The following PTPRD variants were observed in gnomAD, a reference collection of about 807,000 sequenced individuals.
PTPRD encodes receptor-type tyrosine-protein phosphatase delta.
In PTPRD, 34 loss-of-function variants were observed where a neutral mutation model predicts 214.5. That is an observed-to-expected ratio of 0.16 (90% CI 0.12 to 0.21). The LOEUF is 0.21. Among genes scored for constraint, PTPRD ranks in the 10% least tolerant of loss-of-function variants. The pLI is 1.00. For synonymous variants in PTPRD, 1,128 were observed against 845.7 expected (o/e 1.33, Z -5.79); for missense variants, 2,545 against 2,398.7 (o/e 1.06, Z -1.27).
chr9:9,543,581 G>GA, intron 8 of PTPRD, among the ~76,000 whole-genome samples: 1 of 151,364 alleles, frequency 6.6e-6, no homozygotes, highest in East Asian at 2.0e-4. Context: ...AGATTTTTTG[G>GA]TGATGGATAA....
intron 5 of PTPRD, among the ~76,000 whole-genome samples, chr9:9,937,186 TG>T (rs997693584): frequency 6.6e-6 from 1 of 151,566 alleles, no homozygotes; most frequent in Non-Finnish European, 1.5e-5. Flanking sequence ...GTAACTAACC[TG>T]CACAATGTGC....
At chr9:10,327,464 C>T (rs1003890017) in intron 3 of PTPRD, among the ~76,000 whole-genome samples, 11 of 151,400 alleles carry the variant, frequency 7.3e-5, no homozygotes, top group African/African-American at 2.7e-4. Flanking sequence ...TGTAAGGTCT[C>T]ACGTGTGTGT....
At chr9:8,637,841 T>C (rs891363499) in intron 12 of PTPRD, among the ~76,000 whole-genome samples, 1 of 152,088 alleles carries the variant, frequency 6.6e-6, no homozygotes, top group African/African-American at 2.4e-5. Context: ...AAAATCTGTA[T>C]CATACCACAT....
chr9:8,657,007 C>A (rs1022860857), intron 12 of PTPRD, among the ~76,000 whole-genome samples: 2 of 152,028 alleles, frequency 1.3e-5, no homozygotes, highest in African/African-American at 4.8e-5. Flanking sequence ...GAAATATAAA[C>A]TTAATAATTA....
At chr9:9,187,091 C>T (rs1015091940) in intron 9 of PTPRD, among the ~76,000 whole-genome samples, 3 of 151,862 alleles carry the variant, frequency 2.0e-5, no homozygotes, top group Admixed American at 6.6e-5. Flanking sequence ...GATTTTCACT[C>T]TAAATTAGAA....
intron 5 of PTPRD, among the ~76,000 whole-genome samples, chr9:9,927,014 T>G (rs1376178370): frequency 6.6e-6 from 1 of 152,166 alleles, no homozygotes; most frequent in Non-Finnish European, 1.5e-5. Flanking sequence ...CAGGAAAAAG[T>G]GTTCATTGAA....
At chr9:8,654,340 G>A (rs955234968) in intron 12 of PTPRD, among the ~76,000 whole-genome samples, 4 of 151,968 alleles carry the variant, frequency 2.6e-5, no homozygotes, top group African/African-American at 4.8e-5. Context: ...TCTCTCTTCT[G>A]CTAGACTGTG....
chr9:8,939,882 A>C (rs920780971), intron 11 of PTPRD, among the ~76,000 whole-genome samples: 1 of 151,866 alleles, frequency 6.6e-6, no homozygotes, highest in Admixed American at 6.6e-5. Flanking sequence ...TTTATTTTTT[A>C]TTTATTTATT....
rs547037196 is a variant in PTPRD at position 9,588,785 on chromosome 9, T to C, written c.-286-14004A>G. ...ATATGTTTTCTAAATATTTTACTCATCAATGTCATCATTTTAGCTGAGTAT... is the reference window on the plus strand; with the variant it reads ...ATATGTTTTCTAAATATTTTACTCACCAATGTCATCATTTTAGCTGAGTAT... On this transcript the variant is annotated intron_variant, in intron 7 of 45. Coordinates refer to ENST00000381196, the MANE Select transcript of PTPRD (RefSeq NM_002839.4). Among the ~76,000 whole-genome samples, 14 of 152,068 alleles carry C rather than the reference T, an allele frequency of 9.2e-5. No individual in the cohort carries two copies. The South Asian group carries it at 2.7e-3, about 29-fold the overall frequency.
rs144748253 is a variant in PTPRD at position 9,816,700 on chromosome 9, T to G, written c.-367-49849A>C. 1.4e-4 allele frequency among the ~76,000 whole-genome samples: 22 copies of G among 152,222 alleles called. No homozygotes were observed. In the Middle Eastern group the frequency reaches 0.01, roughly 71 times the overall value. The stretch of plus-strand genomic sequence containing the variant: ...TATAAACACGTAGCTTAAACTTTTC[T>G]GGGATGCCTTACCCCAAAATATCAC... On this transcript the variant is annotated intron_variant, in intron 5 of 45. Transcript: ENST00000381196.
intron 4 of PTPRD, among the ~76,000 whole-genome samples, chr9:9,975,903 G>A (rs1026746766): frequency 1.3e-5 from 2 of 152,144 alleles, no homozygotes; most frequent in African/African-American, 4.8e-5. Context: ...GCATTATTTG[G>A]CATACAGTAT....
chr9:10,014,927 T>G (rs1487313011), intron 4 of PTPRD, among the ~76,000 whole-genome samples: 1 of 152,090 alleles, frequency 6.6e-6, no homozygotes, highest in Admixed American at 6.6e-5. Flanking sequence ...GCACTTCCCC[T>G]CATTGAATTG....
intron 12 of PTPRD, among the ~76,000 whole-genome samples, chr9:8,715,017 A>G (rs1250325758): frequency 2.0e-5 from 3 of 152,102 alleles, no homozygotes; most frequent in African/African-American, 7.2e-5. Flanking sequence ...CTCTGAAATG[A>G]ATGAGTTGCT....
chr9:8,569,350 T>C (rs1251313044), intron 14 of PTPRD, among the ~76,000 whole-genome samples: 1 of 152,160 alleles, frequency 6.6e-6, no homozygotes, highest in Admixed American at 6.5e-5. Flanking sequence ...TCCAAACTGC[T>C]TGAAATTATG....
chr9:9,899,877 C>G lies in PTPRD; in HGVS notation c.-368+38630G>C, dbSNP rs184145257. Among the ~76,000 whole-genome samples, 311 of 152,132 alleles carry G rather than the reference C, an allele frequency of 2.0e-3. 3 individuals carry two copies. The highest frequency in any genetic ancestry group is 6.9e-3 in the African/African-American group (286 of 41,538). ...CACTAGTCTTAAGAAAGAAAAAAAT[C>G]CAGTCACTTGTGACAACATAGAAAA... On this transcript the variant is annotated intron_variant, in intron 5 of 45. Coordinates refer to ENST00000381196, the MANE Select transcript of PTPRD (RefSeq NM_002839.4).
At chr9:8,904,318 A>T (rs1394456971) in intron 11 of PTPRD, among the ~76,000 whole-genome samples, 1 of 152,194 alleles carries the variant, frequency 6.6e-6, no homozygotes, top group Admixed American at 6.5e-5. Flanking sequence ...ATATATCCAT[A>T]TTCAAATTTC....
chr9:8,552,244 A>C (rs2082324212), intron 14 of PTPRD, among the ~76,000 whole-genome samples: 1 of 152,204 alleles, frequency 6.6e-6, no homozygotes, highest in Non-Finnish European at 1.5e-5. Flanking sequence ...AGGAAAAGTC[A>C]CAGATCTTTG....
At chr9:9,326,534 A>G (rs546776946) in intron 9 of PTPRD, among the ~76,000 whole-genome samples, 4 of 152,214 alleles carry the variant, frequency 2.6e-5, no homozygotes, top group African/African-American at 9.6e-5. Context: ...TAATTAGAAA[A>G]CAAATATTCG....
At chr9:10,556,433 T>A (rs923808326) in intron 2 of PTPRD, among the ~76,000 whole-genome samples, 17 of 152,080 alleles carry the variant, frequency 1.1e-4, no homozygotes, top group African/African-American at 4.1e-4. Flanking sequence ...TTAGGTATAT[T>A]TTATATTTTC....
Sources: gnomAD v4.1 joint callset for allele counts (sites outside exome capture counted in the v4.1 genomes callset) on GRCh38, gnomAD v4.1.1 for gene constraint, MANE v1.5 for transcripts, NCBI Gene and HGNC (gene_info 2026-07-23, HGNC 2026-07-21) for gene names.